Variants in PDCD10 observed in about 807,000 individuals in gnomAD.
PDCD10 encodes the protein programmed cell death protein 10.
A neutral mutation model predicts 29.2 loss-of-function variants in PDCD10; 4 were observed. That is an observed-to-expected ratio of 0.14 (90% CI 0.07 to 0.31). The LOEUF (loss-of-function observed/expected upper bound fraction) is 0.31, where lower values mean the gene tolerates loss of function less well. Among genes scored for constraint, PDCD10 ranks in the 10% least tolerant of loss-of-function variants. PDCD10 has a pLI of 1.00. For synonymous variants in PDCD10, 70 were observed against 82.2 expected (o/e 0.85, Z 0.80); for missense variants, 183 against 257.9 (o/e 0.71, Z 1.99).
intron 2 of PDCD10, among the ~76,000 whole-genome samples, chr3:167,726,503 G>GA (rs1187710535): frequency 3.9e-5 from 6 of 152,000 alleles, no homozygotes; most frequent in African/African-American, 7.2e-5. Flanking sequence ...AGTTTGGAAG[G>GA]AAAAAAACCT....
chr3:167,706,083 A>G (rs1249473106), intron 3 of PDCD10, among the ~76,000 whole-genome samples: 1 of 152,252 alleles, frequency 6.6e-6, no homozygotes, highest in African/African-American at 2.4e-5. Context: ...CACTCTGTAT[A>G]GCCCTGAATG....
chr3:167,707,725 C>T lies in PDCD10; in HGVS notation c.97-2830G>A, dbSNP rs1577347779. Among the ~76,000 whole-genome samples, 3 of 152,070 alleles carry T rather than the reference C, an allele frequency of 2.0e-5. No individual in the cohort carries two copies. The East Asian group carries it at 5.8e-4, about 29-fold the overall frequency. On this transcript the variant is annotated intron_variant, in intron 3 of 8. Coordinates refer to ENST00000392750, the MANE Select transcript of PDCD10 (RefSeq NM_007217.4). ...CAAAACAAAAAAAACAGATTAAACA[C>T]AATAAACTTCTTAGTAGTAACTGAC...
chr3:167,700,369 G>A (rs181585633), intron 4 of PDCD10, among the ~76,000 whole-genome samples: 233 of 151,958 alleles, frequency 1.5e-3, no homozygotes, highest in African/African-American at 4.9e-3. Context: ...CATGGGACCC[G>A]ACAAAGTGCC....
intron 6 of PDCD10, among the ~76,000 whole-genome samples, chr3:167,690,146 G>T (rs1443603401): frequency 6.6e-6 from 1 of 152,210 alleles, no homozygotes; most frequent in Non-Finnish European, 1.5e-5. Flanking sequence ...AGTATGAGTA[G>T]AAGGAGAAGG....
At chr3:167,732,596 C>T (rs919432925) in intron 2 of PDCD10, among the ~76,000 whole-genome samples, 1 of 152,150 alleles carries the variant, frequency 6.6e-6, no homozygotes, top group African/African-American at 2.4e-5. Flanking sequence ...AATATCAAAA[C>T]TATAATTGGC....
chr3:167,684,293 T>C lies in PDCD10; in HGVS notation c.*15A>G. On this transcript the variant is annotated 3_prime_UTR_variant, in exon 9 of 9. Coordinates refer to ENST00000392750, the MANE Select transcript of PDCD10 (RefSeq NM_007217.4). ...TACTGCCACTGAGAAGTACATCTCTTAACATATACAACTTTCAGGCCACAG... is the reference window on the plus strand; with the variant it reads ...TACTGCCACTGAGAAGTACATCTCTCAACATATACAACTTTCAGGCCACAG... 1 of 1,450,348 alleles carries C rather than the reference T, an allele frequency of 6.9e-7. No individual in the cohort carries two copies. Among genetic ancestry groups the C allele is most frequent in the Non-Finnish European group, 9.7e-7 (1 of 1,030,850 alleles). 89.8% of individuals were successfully genotyped at this position (1,450,348 alleles called of 1,614,324 possible).
chr3:167,719,968 A>T, intron 3 of PDCD10, 94 bp downstream of exon 3: 1 of 894,854 alleles, frequency 1.1e-6, no homozygotes. Context: ...CATTCATGCT[A>T]GTATTTGTTA....
At chr3:167,698,469 G>T (rs1288264508) in intron 4 of PDCD10, among the ~76,000 whole-genome samples, 1 of 152,060 alleles carries the variant, frequency 6.6e-6, no homozygotes, top group African/African-American at 2.4e-5. Context: ...CCAGGAGTTC[G>T]TGGCTGCAGC....
At chr3:167,691,879 G>A (rs1279655092) in intron 6 of PDCD10, among the ~76,000 whole-genome samples, 3 of 152,128 alleles carry the variant, frequency 2.0e-5, no homozygotes, top group Admixed American at 1.3e-4. Context: ...CTAATTTTCT[G>A]TGCCTGCTTC....
intron 7 of PDCD10, 131 bp from the exon 8 acceptor site, chr3:167,687,447 T>C (rs1384575765): frequency 4.1e-6 from 3 of 731,744 alleles, no homozygotes; most frequent in Non-Finnish European, 7.4e-6. Context: ...TAAGCAATTG[T>C]GGAGTACTCA....
chr3:167,687,571 C>T (rs781486214), intron 7 of PDCD10, 44 bp downstream of exon 7: 1 of 1,111,710 alleles, frequency 9.0e-7, no homozygotes, highest in Non-Finnish European at 1.4e-6. Flanking sequence ...TAGGCATAAA[C>T]CAACATCTAG....
At chr3:167,684,789 G>T (rs1038526515) in intron 8 of PDCD10, among the ~76,000 whole-genome samples, 9 of 151,922 alleles carry the variant, frequency 5.9e-5, no homozygotes, top group Admixed American at 5.9e-4. Flanking sequence ...TAATACTCAA[G>T]AAAAATCTAA....
At chr3:167,709,553 C>A (rs1020479528) in intron 3 of PDCD10, among the ~76,000 whole-genome samples, 1 of 152,098 alleles carries the variant, frequency 6.6e-6, no homozygotes, top group South Asian at 2.1e-4. Context: ...GGACGTGACA[C>A]GGTCAGAGGA....
chr3:167,706,369 TG>T (rs759881949), intron 3 of PDCD10, among the ~76,000 whole-genome samples: 37 of 152,262 alleles, frequency 2.4e-4, no homozygotes, highest in Non-Finnish European at 4.3e-4. Flanking sequence ...TTGAGAAAAA[TG>T]TCATTAGGTG....
chr3:167,696,941 T>C, intron 5 of PDCD10, 68 bp downstream of exon 5: 1 of 854,026 alleles, frequency 1.2e-6, no homozygotes. Flanking sequence ...TTTGGTCAAA[T>C]AATAATGATT....
chr3:167,697,746 T>C (rs1720960210), intron 4 of PDCD10: 1 of 265,238 alleles, frequency 3.8e-6, no homozygotes, highest in South Asian at 3.8e-5. Flanking sequence ...TACTACCTTT[T>C]GAGCTTGTTT....
chr3:167,719,848 A>C (rs550680432), intron 3 of PDCD10, among the ~76,000 whole-genome samples: 1 of 152,170 alleles, frequency 6.6e-6, no homozygotes, highest in African/African-American at 2.4e-5. Flanking sequence ...CTTTTATTAA[A>C]TGTCTCTTTC....
At chr3:167,732,823 T>G (rs998434153) in intron 2 of PDCD10, among the ~76,000 whole-genome samples, 1 of 152,218 alleles carries the variant, frequency 6.6e-6, no homozygotes, top group Non-Finnish European at 1.5e-5. Context: ...ATTAATATTC[T>G]TGCTTTACCA....
intron 5 of PDCD10, among the ~76,000 whole-genome samples, chr3:167,696,480 TGTC>T (rs1254558948): frequency 6.6e-6 from 1 of 152,204 alleles, no homozygotes; most frequent in Non-Finnish European, 1.5e-5. Context: ...GGAAATTATA[TGTC>T]CATATTTTTC....
Sources: allele counts gnomAD v4.1 joint callset (sites outside exome capture counted in the v4.1 genomes callset), GRCh38; gene constraint gnomAD v4.1.1; transcripts MANE v1.5; gene names NCBI Gene and HGNC (gene_info 2026-07-23, HGNC 2026-07-21).